Variants in NRXN1 observed in about 807,000 individuals in gnomAD.
The protein encoded by NRXN1 is neurexin-1.
NRXN1 carries 39 observed loss-of-function variants against 150.9 expected under a neutral mutation model. That is an observed-to-expected ratio of 0.26 (90% CI 0.20 to 0.34). NRXN1 has a LOEUF of 0.34. Ranked by LOEUF, NRXN1 falls within the 10% of genes least tolerant of loss-of-function variation. NRXN1 has a pLI of 1.00. For missense variants in NRXN1, 1,815 were observed against 1,949.9 expected (o/e 0.93, Z 1.30); for synonymous variants, 924 against 757.0 (o/e 1.22, Z -3.62).
rs199842697 is a variant in NRXN1 at position 49,920,492 on chromosome 2, T to C, written c.*1452A>G. On this transcript the variant is annotated 3_prime_UTR_variant, in exon 23 of 23. Coordinates refer to ENST00000401669, the MANE Select transcript of NRXN1 (RefSeq NM_001330078.2). ...GCAGCAGTATATCAGTGATATTCTA[T>C]TTGATAAGGAAAGGTTCATTTCTTT... The C allele has an allele frequency of 1.3e-5, 2 of 152,608 alleles. No individual in the cohort carries two copies. The highest frequency in any genetic ancestry group is 2.9e-5 in the Non-Finnish European group (2 of 68,020). 9.5% of individuals were successfully genotyped at this position (152,608 alleles called of 1,614,324 possible).
Position 49,927,636 on chromosome 2 carries a change from T to C in NRXN1, c.4217-5385A>G, listed in dbSNP as rs1669326668. ...TGGAAACAGCAATCAATTATTGTCA[T>C]TAAAGAAAACTGCTCTTGATCTATG... is the stretch of plus-strand genomic sequence containing the variant. On this transcript the variant is annotated intron_variant, in intron 22 of 22. Transcript: ENST00000401669. 2.6e-5 allele frequency among the ~76,000 whole-genome samples: 4 copies of C among 152,192 alleles called. No individual in the cohort carries two copies. In the South Asian group the frequency reaches 8.3e-4, roughly 31 times the overall value.
At chr2:50,885,820 A>AACACACACACACACACACACAC (rs57614861) in intron 5 of NRXN1, among the ~76,000 whole-genome samples, 1 of 143,752 alleles carries the variant, frequency 7.0e-6, no homozygotes, top group Non-Finnish European at 1.5e-5. Context: ...TATTTCTATA[A>AACACACACACACACACACACAC]ACACACACAC....
Position 50,347,774 on chromosome 2 carries a change from CGCTG to C in NRXN1, c.3365-110808_3365-110805del. 3.0e-6 allele frequency: 3 copies of C among 986,762 alleles called. No homozygotes were observed. The highest frequency in any genetic ancestry group is 3.6e-6 in the Non-Finnish European group (3 of 830,952). 61.1% of individuals were successfully genotyped at this position (986,762 alleles called of 1,614,324 possible). A position where few individuals can be genotyped will look rare whatever the true frequency, so the allele number is the denominator to read the frequency against. On this transcript the variant is annotated intron_variant, in intron 17 of 22. Coordinates refer to ENST00000401669, the MANE Select transcript of NRXN1 (RefSeq NM_001330078.2). This position sits in a 1 kb window ranked among gnomAD's most constrained non-coding sequence, Gnocchi z 4.9. ...AAAAAAAGAAAAGAAAAACCACACACGCTGGTGAAGCAAGGGGCTCTATGCAAAT... is the reference window on the plus strand; with the variant it reads ...AAAAAAAGAAAAGAAAAACCACACACGTGAAGCAAGGGGCTCTATGCAAAT...
chr2:50,706,466 T>A (rs777296349), intron 5 of NRXN1, among the ~76,000 whole-genome samples: 1 of 152,062 alleles, frequency 6.6e-6, no homozygotes, highest in Non-Finnish European at 1.5e-5. Flanking sequence ...GGAAACTTGA[T>A]AGCAATTGGA....
At chr2:50,629,519 T>C (rs761761390) in intron 5 of NRXN1, among the ~76,000 whole-genome samples, 2 of 151,606 alleles carry the variant, frequency 1.3e-5, no homozygotes, top group South Asian at 4.1e-4. Flanking sequence ...ATTAATGTTG[T>C]TCTTGATTTA....
At chr2:50,666,927 C>A (rs1294972137) in intron 5 of NRXN1, among the ~76,000 whole-genome samples, 14 of 149,910 alleles carry the variant, frequency 9.3e-5, no homozygotes, top group African/African-American at 3.4e-4. Context: ...ATTTAAAAAA[C>A]TTTATTGATT....
At chr2:50,599,152 C>T (rs1264275557) in intron 8 of NRXN1, among the ~76,000 whole-genome samples, 2 of 152,108 alleles carry the variant, frequency 1.3e-5, no homozygotes, top group East Asian at 3.9e-4. Context: ...ACTTTTATGT[C>T]TCCACCTTAC....
intron 18 of NRXN1, among the ~76,000 whole-genome samples, chr2:50,204,593 G>T (rs2062429592): frequency 6.6e-6 from 1 of 152,018 alleles, no homozygotes; most frequent in Non-Finnish European, 1.5e-5. Context: ...TATATGAATT[G>T]ATATTTTAGT....
chr2:50,303,676 A>G (rs2074365092), intron 17 of NRXN1, among the ~76,000 whole-genome samples: 1 of 152,186 alleles, frequency 6.6e-6, no homozygotes, highest in Non-Finnish European at 1.5e-5. Flanking sequence ...ACCACAAAAA[A>G]TTACATCAAG....
intron 18 of NRXN1, among the ~76,000 whole-genome samples, chr2:50,203,472 C>CT (rs994033039): frequency 6.6e-5 from 10 of 152,166 alleles, no homozygotes; most frequent in Admixed American, 5.9e-4. Context: ...TTTTAGCTGA[C>CT]TTTTTTATAT....
chr2:50,090,587 A>G (rs1236718668), intron 19 of NRXN1, among the ~76,000 whole-genome samples: 1 of 152,192 alleles, frequency 6.6e-6, no homozygotes, highest in Non-Finnish European at 1.5e-5. Flanking sequence ...ATACAACCAC[A>G]AGTAACATTG....
intron 12 of NRXN1, among the ~76,000 whole-genome samples, chr2:50,517,357 A>C (rs2092660145): frequency 6.6e-6 from 1 of 152,046 alleles, no homozygotes; most frequent in Non-Finnish European, 1.5e-5. Flanking sequence ...CCTTGAACAT[A>C]ACGGCAATTC....
At chr2:50,692,458 T>C (rs1692211661) in intron 5 of NRXN1, among the ~76,000 whole-genome samples, 1 of 151,974 alleles carries the variant, frequency 6.6e-6, no homozygotes, top group East Asian at 1.9e-4. Context: ...CTTAAGAAGC[T>C]ACTCTGTGGA....
intron 2 of NRXN1, among the ~76,000 whole-genome samples, chr2:50,971,963 A>C (rs937241953): frequency 3.9e-5 from 6 of 152,088 alleles, no homozygotes; most frequent in African/African-American, 1.4e-4. Context: ...TCCCAAAGAG[A>C]ATCTTAATAT....
At chr2:50,323,331 A>G (rs1190615549) in intron 17 of NRXN1, among the ~76,000 whole-genome samples, 2 of 152,172 alleles carry the variant, frequency 1.3e-5, no homozygotes, top group South Asian at 4.1e-4. Flanking sequence ...CCTAAGGTGA[A>G]GCTGATGCTG....
intron 17 of NRXN1, among the ~76,000 whole-genome samples, chr2:50,377,260 C>T (rs1490417400): frequency 1.3e-5 from 2 of 152,068 alleles, no homozygotes; most frequent in East Asian, 3.9e-4. Context: ...TCCAATCCCC[C>T]TAACAGGCCC....
chr2:50,134,266 G>C (rs1328214890), intron 18 of NRXN1, among the ~76,000 whole-genome samples: 2 of 85,430 alleles, frequency 2.3e-5, no homozygotes, highest in African/African-American at 9.9e-5. Flanking sequence ...CCAATTAAAA[G>C]TAACCAGAAA....
intron 2 of NRXN1, among the ~76,000 whole-genome samples, chr2:50,994,165 C>T (rs1027006202): frequency 6.6e-6 from 1 of 151,864 alleles, no homozygotes; most frequent in African/African-American, 2.4e-5. Flanking sequence ...TTAAATAATC[C>T]AATCAGTCTT....
chr2:50,547,661 G>A (rs983898929), intron 9 of NRXN1: 1 of 152,204 alleles, frequency 6.6e-6, no homozygotes, highest in South Asian at 2.1e-4. Flanking sequence ...TGCCCTGTTA[G>A]TAGCTAAGTT....
Sources: allele counts gnomAD v4.1 joint callset (sites outside exome capture counted in the v4.1 genomes callset), GRCh38; gene constraint gnomAD v4.1.1; non-coding constraint Gnocchi (gnomAD v3.1); transcripts MANE v1.5; gene names NCBI Gene and HGNC (gene_info 2026-07-23, HGNC 2026-07-21).